LRRC49: variants seen among roughly 807,000 people sequenced by gnomAD.
LRRC49 encodes leucine-rich repeat-containing protein 49.
Under a neutral mutation model 83.3 loss-of-function variants are expected in LRRC49, and 50 were observed. The ratio of observed to expected loss-of-function variants is 0.60; its 90% confidence interval spans 0.48 to 0.76. The LOEUF (loss-of-function observed/expected upper bound fraction) is 0.76, where lower values mean the gene tolerates loss of function less well. Ranked by LOEUF, LRRC49 falls within the 30% of genes least tolerant of loss-of-function variation. The pLI, the probability that LRRC49 is intolerant of heterozygous loss-of-function variation, is 0.00. For missense variants in LRRC49, 704 were observed against 809.1 expected (o/e 0.87, Z 1.58); for synonymous variants, 286 against 283.3 (o/e 1.01, Z -0.10).
At chr15:70,882,974 T>C (rs1434475255) in intron 2 of LRRC49, 18 of 1,544,880 alleles carry the variant, frequency 1.2e-5, no homozygotes, top group Non-Finnish European at 1.5e-5. Flanking sequence ...CTTTCAAAAG[T>C]TACAAGTAGT....
chr15:70,856,856 C>A (rs1247486588), intron 1 of LRRC49, among the ~76,000 whole-genome samples: 3 of 152,174 alleles, frequency 2.0e-5, no homozygotes, highest in African/African-American at 7.2e-5. Flanking sequence ...ACATACCCAT[C>A]ATTTGTGTCA....
intron 8 of LRRC49, among the ~76,000 whole-genome samples, chr15:70,949,606 C>G (rs2141177312): frequency 6.6e-6 from 1 of 152,174 alleles, no homozygotes; most frequent in South Asian, 2.1e-4. Flanking sequence ...CCAATGCTCC[C>G]CAATATAAAA....
chr15:70,921,173 C>T (rs2034991012), intron 7 of LRRC49, among the ~76,000 whole-genome samples: 2 of 152,074 alleles, frequency 1.3e-5, no homozygotes, highest in Non-Finnish European at 2.9e-5. Context: ...TGTGAACTTC[C>T]CTTTAGGGTA....
chr15:71,003,389 T>C (rs548710392), intron 11 of LRRC49, among the ~76,000 whole-genome samples: 26 of 152,296 alleles, frequency 1.7e-4, no homozygotes, highest in African/African-American at 4.8e-4. Context: ...TGGAAATGTA[T>C]TGGACTTTAT....
chr15:70,913,135 C>T (rs945349471), intron 6 of LRRC49, among the ~76,000 whole-genome samples: 1 of 152,196 alleles, frequency 6.6e-6, no homozygotes, highest in African/African-American at 2.4e-5. Context: ...TGTAAAGTCT[C>T]TTCTGCAGTG....
Position 70,984,128 on chromosome 15 carries a change from G to A in LRRC49, c.1040G>A (p.Arg347Gln), listed in dbSNP as rs572002083. ...AGGTTAACAATTAACAACGTAGCTC[G>A]ACAGTGGGACTTGCAACAACAACGA... ...KKRLTINNVA[R>Q]QWDLQQQRVA... The change falls in exon 11 of 16, where the codon CGA becomes CAA. Residue 347 changes from arginine to glutamine, a missense_variant. Physicochemically the swap from Arg to Gln is conservative, Grantham distance 43. This residue lies in a region of LRRC49 where 168 missense variants were observed against 140.6 expected (regional missense o/e 1.20). Transcript: ENST00000260382. 91 of 1,599,568 alleles carry A rather than the reference G, an allele frequency of 5.7e-5. No homozygotes were observed. In the East Asian group the frequency reaches 1.9e-3, roughly 33 times the overall value.
intron 11 of LRRC49, among the ~76,000 whole-genome samples, chr15:71,005,570 C>G (rs1302262765): frequency 6.6e-6 from 1 of 151,990 alleles, no homozygotes; most frequent in Non-Finnish European, 1.5e-5. Context: ...AGGTTGATTG[C>G]AGAGGAGGAT....
chr15:70,871,408 C>T (rs564614308), intron 1 of LRRC49, among the ~76,000 whole-genome samples: 19 of 152,328 alleles, frequency 1.2e-4, no homozygotes, highest in South Asian at 2.1e-4. Context: ...ACATTTCCCC[C>T]CTCTCTACTC....
chr15:70,996,446 G>A (rs1371082985), intron 11 of LRRC49, among the ~76,000 whole-genome samples: 2 of 152,018 alleles, frequency 1.3e-5, no homozygotes, highest in Admixed American at 6.5e-5. Flanking sequence ...AGCATTTGAC[G>A]TAGTTGAAAC....
chr15:71,051,511 G>A lies in LRRC49; in HGVS notation c.*1899G>A, dbSNP rs910896490. The A allele has an allele frequency of 6.6e-6, 1 of 152,278 alleles. No individual in the cohort carries two copies. Among genetic ancestry groups the A allele is most frequent in the Non-Finnish European group, 1.5e-5 (1 of 68,112 alleles). The allele number at this position is 152,278 out of a possible 1,614,324, so 9.4% of individuals were successfully genotyped here. On this transcript the variant is annotated 3_prime_UTR_variant, in exon 16 of 16. Coordinates refer to ENST00000260382, the MANE Select transcript of LRRC49 (RefSeq NM_017691.5). ...AATGAGATCCCAGCTTGAAGGTGATGTTGAGAGGAGAACCAAGAGTATATT... is the reference window on the plus strand; with the variant it reads ...AATGAGATCCCAGCTTGAAGGTGATATTGAGAGGAGAACCAAGAGTATATT...
At chr15:70,949,868 AT>A (rs2036152349) in intron 8 of LRRC49, among the ~76,000 whole-genome samples, 1 of 152,046 alleles carries the variant, frequency 6.6e-6, no homozygotes, top group African/African-American at 2.4e-5. Context: ...ACATGGGTAA[AT>A]TGTGGGTCGC....
At chr15:70,916,486 G>A (rs530237816) in intron 6 of LRRC49, among the ~76,000 whole-genome samples, 1 of 152,040 alleles carries the variant, frequency 6.6e-6, no homozygotes, top group African/African-American at 2.4e-5. Flanking sequence ...GTAGAGACAG[G>A]GTTTCACCAT....
intron 6 of LRRC49, chr15:70,918,670 CT>C (rs1240924982): frequency 6.4e-6 from 1 of 156,224 alleles, no homozygotes; most frequent in African/African-American, 2.4e-5. Context: ...AGAGGGCAGA[CT>C]TGCTTTGTTA....
At chr15:70,909,879 A>ACACACACACACACACACACAC (rs765588937) in intron 5 of LRRC49, among the ~76,000 whole-genome samples, 3 of 76,940 alleles carry the variant, frequency 3.9e-5, no homozygotes, top group Non-Finnish European at 7.8e-5. Context: ...CACACACACA[A>ACACACACACACACACACACAC]AACAAACAAA....
chr15:70,923,149 C>G (rs975416701), intron 7 of LRRC49, among the ~76,000 whole-genome samples: 1 of 151,784 alleles, frequency 6.6e-6, no homozygotes, highest in Non-Finnish European at 1.5e-5. Context: ...TTTTTTGATC[C>G]ATGTGTTATT....
intron 14 of LRRC49, among the ~76,000 whole-genome samples, chr15:71,017,576 A>T (rs1856840132): frequency 6.6e-6 from 1 of 152,188 alleles, no homozygotes; most frequent in African/African-American, 2.4e-5. Context: ...GAAAACTCAC[A>T]AGAAGAAATA....
chr15:70,911,603 T>C lies in LRRC49; in HGVS notation c.567+5T>C. The C allele has an allele frequency of 2.0e-6, 3 of 1,512,682 alleles. No individual in the cohort carries two copies. The highest frequency in any genetic ancestry group is 2.7e-6 in the Non-Finnish European group (3 of 1,119,204). The allele number at this position is 1,512,682 out of a possible 1,614,324, so 93.7% of individuals were successfully genotyped here. On this transcript the variant is annotated splice_donor_5th_base_variant and intron_variant, in intron 6 of 15. Coordinates refer to ENST00000260382, the MANE Select transcript of LRRC49 (RefSeq NM_017691.5). Reference sequence around the variant, plus strand: ...TTGGATCTTCATGGAAATCAGGTATTGTAAAGCCCTTTCATTTCTTTCTTT... The same window carrying C: ...TTGGATCTTCATGGAAATCAGGTATCGTAAAGCCCTTTCATTTCTTTCTTT...
At chr15:71,028,454 C>T (rs1334162778) in intron 14 of LRRC49, among the ~76,000 whole-genome samples, 1 of 152,168 alleles carries the variant, frequency 6.6e-6, no homozygotes, top group Non-Finnish European at 1.5e-5. Context: ...ATGATGCTGG[C>T]TTCATAAAAT....
upstream of LRRC49, among the ~76,000 whole-genome samples, chr15:70,889,725 T>C (rs1414186610): frequency 6.6e-6 from 1 of 152,182 alleles, no homozygotes; most frequent in Non-Finnish European, 1.5e-5. Flanking sequence ...GATCCATATA[T>C]AGCACCAAGC....
Sources: gnomAD v4.1 joint callset for allele counts (sites outside exome capture counted in the v4.1 genomes callset) on GRCh38, gnomAD v4.1.1 for gene constraint, gnomAD v4.1.1 regional missense constraint, MANE v1.5 for transcripts, NCBI Gene and HGNC (gene_info 2026-07-23, HGNC 2026-07-21) for gene names.